Variants in THEMIS observed in about 807,000 individuals in gnomAD.
THEMIS encodes thymocyte selection associated.
In THEMIS, 37 loss-of-function variants were observed where a neutral mutation model predicts 52.6. The observed-to-expected ratio is 0.70, with a 90% CI of 0.54 to 0.93. The LOEUF (loss-of-function observed/expected upper bound fraction) is 0.93. Ranked by LOEUF, THEMIS falls within the 40% of genes least tolerant of loss-of-function variation. The pLI is 0.00. For synonymous variants in THEMIS, 292 were observed against 272.7 expected, an observed-to-expected ratio of 1.07 and a Z score of -0.70; for missense variants, 808 against 763.1, an observed-to-expected ratio of 1.06 and a Z score of -0.69.
rs1333768 is a variant in THEMIS at position 127,775,442 on chromosome 6, C to T, written c.1758+37441G>A. Among the ~76,000 whole-genome samples, 518 of 152,192 alleles carry T rather than the reference C, an allele frequency of 3.4e-3. 3 individuals are homozygous for T. The highest frequency in any genetic ancestry group is 0.012 in the African/African-American group (480 of 41,512). On this transcript the variant is annotated intron_variant, in intron 4 of 5. Transcript: ENST00000368248. ...AGCAGAGAGGGCCAAAGAGTCTTGT[C>T]CTTAAAATTCTTAGAAGCAATTTCT... is the stretch of plus-strand genomic sequence containing the variant.
chr6:127,879,604 T>C (rs967446607), intron 1 of THEMIS, among the ~76,000 whole-genome samples: 1 of 147,794 alleles, frequency 6.8e-6, no homozygotes, highest in East Asian at 2.0e-4. Flanking sequence ...TTCAGTGATC[T>C]AGAATGCTGT....
the THEMIS span, among the ~76,000 whole-genome samples, chr6:127,697,011 A>T: frequency 6.6e-6 from 1 of 151,980 alleles, no homozygotes; most frequent in Non-Finnish European, 1.5e-5. Context: ...GCGCCCACAC[A>T]CACATACACG....
chr6:127,831,078 GTTC>G (rs762384366), intron 2 of THEMIS, among the ~76,000 whole-genome samples: 24 of 152,194 alleles, frequency 1.6e-4, no homozygotes, highest in Non-Finnish European at 2.6e-4. Context: ...TATGTCAATT[GTTC>G]TTCTCATTTT....
intron 4 of THEMIS, among the ~76,000 whole-genome samples, chr6:127,776,657 A>T (rs1042337255): frequency 1.6e-4 from 24 of 152,222 alleles, no homozygotes; most frequent in Admixed American, 4.6e-4. Flanking sequence ...ACTCACAGAA[A>T]CTGTGCCATA....
chr6:127,891,538 CAA>C lies in THEMIS; in HGVS notation c.91+9302_91+9303del, dbSNP rs67886431. Among the ~76,000 whole-genome samples, 141 of 96,784 alleles carry C rather than the reference CAA, an allele frequency of 1.5e-3. 1 individual carries two copies. Among genetic ancestry groups the C allele is most frequent in the Middle Eastern group, 0.011 (2 of 180 alleles). The allele number at this position is 96,784 out of a possible 152,430, so 63.5% of individuals were successfully genotyped here. On this transcript the variant is annotated intron_variant, in intron 1 of 5. Coordinates refer to ENST00000368248, the MANE Select transcript of THEMIS (RefSeq NM_001010923.3). The stretch of plus-strand genomic sequence containing the variant: ...GTGACAGAAAGAGACTCCAGCTCAA[CAA>C]AAAAAAAAAAAAAAAAGAAAGAAAC...
intron 4 of THEMIS, among the ~76,000 whole-genome samples, chr6:127,780,590 G>A (rs1326217560): frequency 6.6e-6 from 1 of 152,134 alleles, no homozygotes; most frequent in African/African-American, 2.4e-5. Context: ...AGGCAGGCCT[G>A]GTGGTGACAA....
At chr6:127,696,701 A>G in the THEMIS span, among the ~76,000 whole-genome samples, 1 of 152,116 alleles carries the variant, frequency 6.6e-6, no homozygotes, top group Non-Finnish European at 1.5e-5. Flanking sequence ...CAGTGTTAGC[A>G]GAGTTTTGTG....
chr6:127,841,804 T>C (rs1779057562), intron 2 of THEMIS, among the ~76,000 whole-genome samples: 1 of 152,064 alleles, frequency 6.6e-6, no homozygotes, highest in Non-Finnish European at 1.5e-5. Flanking sequence ...TCACATTTTC[T>C]TGCATAGTTT....
At chr6:127,786,542 A>C (rs1452156404) in intron 4 of THEMIS, among the ~76,000 whole-genome samples, 2 of 152,210 alleles carry the variant, frequency 1.3e-5, no homozygotes, top group Non-Finnish European at 2.9e-5. Context: ...TTAGGTACCA[A>C]GTACTATTCT....
intron 4 of THEMIS, among the ~76,000 whole-genome samples, chr6:127,810,009 C>G (rs765291794): frequency 1.3e-5 from 2 of 151,404 alleles, no homozygotes; most frequent in Non-Finnish European, 2.9e-5. Flanking sequence ...CATGTGGGGT[C>G]TGACCAGTAA....
intron 1 of THEMIS, among the ~76,000 whole-genome samples, chr6:127,897,276 A>G (rs1454672151): frequency 2.0e-5 from 3 of 151,602 alleles, no homozygotes; most frequent in East Asian, 1.9e-4. Context: ...AAAGGAAAAT[A>G]TAAACTGACT....
chr6:127,774,638 G>T (rs1776497971), intron 4 of THEMIS, among the ~76,000 whole-genome samples: 1 of 152,196 alleles, frequency 6.6e-6, no homozygotes, highest in Non-Finnish European at 1.5e-5. Flanking sequence ...TAGGAGAGCT[G>T]GTTCATTGGG....
At chr6:127,886,649 A>T (rs570943753) in intron 1 of THEMIS, among the ~76,000 whole-genome samples, 38 of 152,192 alleles carry the variant, frequency 2.5e-4, no homozygotes, top group African/African-American at 8.9e-4. Flanking sequence ...CTTTCCACAC[A>T]AAAAAACCTC....
At chr6:127,787,884 G>GATAGATAGAT (rs1562258107) in intron 4 of THEMIS, among the ~76,000 whole-genome samples, 35 of 133,066 alleles carry the variant, frequency 2.6e-4, no homozygotes, top group East Asian at 9.9e-4. Flanking sequence ...GATAGATATA[G>GATAGATAGAT]ATAGATAGAT....
At chr6:127,790,775 T>C (rs1045662561) in intron 4 of THEMIS, among the ~76,000 whole-genome samples, 25 of 152,304 alleles carry the variant, frequency 1.6e-4, no homozygotes, top group African/African-American at 6.0e-4. Flanking sequence ...ATTGTGTGAA[T>C]GAGCAAGCAT....
intron 1 of THEMIS, among the ~76,000 whole-genome samples, chr6:127,911,494 T>C (rs1781410157): frequency 6.6e-6 from 1 of 151,282 alleles, no homozygotes; most frequent in East Asian, 1.9e-4. Context: ...CTGATACTGC[T>C]TTTAAAACTT....
chr6:127,832,775 A>ATAT (rs1251377975), intron 2 of THEMIS, among the ~76,000 whole-genome samples: 1 of 54,034 alleles, frequency 1.9e-5, no homozygotes, highest in African/African-American at 9.7e-5. Context: ...GGATTGTCAG[A>ATAT]TCTTTTTTTT....
At chr6:127,816,236 A>T (rs902250638) in intron 3 of THEMIS, among the ~76,000 whole-genome samples, 1 of 151,756 alleles carries the variant, frequency 6.6e-6, no homozygotes, top group Non-Finnish European at 1.5e-5. Context: ...CACCCCTCAC[A>T]CACACCTTTT....
intron 4 of THEMIS, among the ~76,000 whole-genome samples, chr6:127,734,322 G>T (rs1774911539): frequency 6.6e-6 from 1 of 152,114 alleles, no homozygotes; most frequent in Non-Finnish European, 1.5e-5. Flanking sequence ...TGAAGAATTT[G>T]CTGATTAAAT....
Sources: allele counts gnomAD v4.1 joint callset (sites outside exome capture counted in the v4.1 genomes callset), GRCh38; gene constraint gnomAD v4.1.1; transcripts MANE v1.5; gene names NCBI Gene and HGNC (gene_info 2026-07-23, HGNC 2026-07-21).